C2CD5: variants seen among roughly 807,000 people sequenced by gnomAD.
C2CD5 encodes the protein C2 domain-containing protein 5.
Under a neutral mutation model 130.3 loss-of-function variants are expected in C2CD5, and 109 were observed. That is an observed-to-expected ratio of 0.84 (90% confidence interval 0.72 to 0.98). C2CD5 has a LOEUF of 0.98. C2CD5 is among the 50% of genes least tolerant of loss of function. The pLI is 0.00. For missense variants in C2CD5, 996 were observed against 1,261.8 expected (o/e 0.79, Z 3.19); for synonymous variants, 454 against 429.2 (o/e 1.06, Z -0.71).
intron 14 of C2CD5, among the ~76,000 whole-genome samples, chr12:22,480,909 A>G (rs536480374): frequency 6.6e-6 from 1 of 151,992 alleles, no homozygotes; most frequent in East Asian, 1.9e-4. Context: ...GGCTCAGCTG[A>G]TTCTCCCATC....
At chr12:22,491,203 A>G (rs1946302268) in intron 11 of C2CD5, among the ~76,000 whole-genome samples, 1 of 152,232 alleles carries the variant, frequency 6.6e-6, no homozygotes, top group Non-Finnish European at 1.5e-5. Flanking sequence ...GTCAGATGAC[A>G]TCTGTCAGAT....
At chr12:22,543,318 A>G (rs535591504) in intron 2 of C2CD5, among the ~76,000 whole-genome samples, 1 of 152,368 alleles carries the variant, frequency 6.6e-6, no homozygotes, top group Admixed American at 6.5e-5. Flanking sequence ...TAAACTAATC[A>G]TTAGACTTAA....
At chr12:22,539,049 A>C (rs1952089509) in intron 2 of C2CD5, among the ~76,000 whole-genome samples, 1 of 152,084 alleles carries the variant, frequency 6.6e-6, no homozygotes, top group Non-Finnish European at 1.5e-5. Context: ...AAGTACTAAA[A>C]CTACTTCTCA....
At chr12:22,476,567 G>A (rs1943878028) in intron 15 of C2CD5, among the ~76,000 whole-genome samples, 1 of 152,048 alleles carries the variant, frequency 6.6e-6, no homozygotes, top group Non-Finnish European at 1.5e-5. Flanking sequence ...AGTACTGAAT[G>A]GATGAAGTAA....
rs917729260 is a variant in C2CD5 at position 22,490,038 on chromosome 12, A to G, written c.1358+85T>C. 8.5e-6 allele frequency: 8 copies of G among 937,344 alleles called. No homozygotes were observed. The African/African-American group carries it at 1.1e-4, about 13-fold the overall frequency. The allele number at this position is 937,344 out of a possible 1,614,324, so 58.1% of individuals were successfully genotyped here. A position where few individuals can be genotyped will look rare whatever the true frequency, so the allele number is the denominator to read the frequency against. ...TGTACCCCTGTAAGCCACCCTACGG[A>G]GAAGAATTATCCCAACTCTCAGAAA... On this transcript the variant is annotated intron_variant, in intron 12 of 26. Coordinates refer to ENST00000446597, the MANE Select transcript of C2CD5 (RefSeq NM_001286176.2).
At position 22,525,592 on chromosome 12, in the gene C2CD5, T is replaced by C. The variant is rs762866992; in HGVS notation, c.445+18A>G. On this transcript the variant is annotated intron_variant, in intron 5 of 26. Transcript: ENST00000446597. ...AGTTATTACATTTCCTGTTGAGTAATAGAATGTATTTACTTACTGCAAAAG... is the reference window on the plus strand; with the variant it reads ...AGTTATTACATTTCCTGTTGAGTAACAGAATGTATTTACTTACTGCAAAAG... 39 of 1,092,962 alleles carry C rather than the reference T, an allele frequency of 3.6e-5. No individual in the cohort carries two copies. The Middle Eastern group carries it at 5.9e-4, about 17-fold the overall frequency. The allele number at this position is 1,092,962 out of a possible 1,614,324, so 67.7% of individuals were successfully genotyped here. A position where few individuals can be genotyped will look rare whatever the true frequency, so the allele number is the denominator to read the frequency against.
At chr12:22,454,710 T>C (rs900316388) in intron 25 of C2CD5, among the ~76,000 whole-genome samples, 9 of 152,170 alleles carry the variant, frequency 5.9e-5, no homozygotes, top group Non-Finnish European at 1.2e-4. Flanking sequence ...TCAATTTCTT[T>C]ATATTACTTA....
At chr12:22,512,412 T>C (rs1443340090) in intron 9 of C2CD5, among the ~76,000 whole-genome samples, 1 of 152,078 alleles carries the variant, frequency 6.6e-6, no homozygotes, top group African/African-American at 2.4e-5. Flanking sequence ...TAATGAAAGC[T>C]ATAGAACTAT....
At chr12:22,463,391 C>CAA (rs888010404) in intron 22 of C2CD5, 7 of 133,206 alleles carry the variant, frequency 5.3e-5, no homozygotes, top group East Asian at 2.1e-4. Context: ...ACTCTTGTCT[C>CAA]AAAAAAAAAA....
chr12:22,449,968 T>C, intron 26 of C2CD5, 77 bp from the exon 27 acceptor site: 1 of 1,168,984 alleles, frequency 8.6e-7, no homozygotes, highest in Non-Finnish European at 1.2e-6. Context: ...GGGGCAGTGC[T>C]GTACAGCCAA....
intron 12 of C2CD5, among the ~76,000 whole-genome samples, chr12:22,488,472 T>C (rs573855298): frequency 3.9e-5 from 6 of 152,102 alleles, no homozygotes; most frequent in South Asian, 2.1e-4. Flanking sequence ...ACCTATTGTA[T>C]TGAACTACTA....
chr12:22,507,059 G>GAA, intron 9 of C2CD5: 2 of 299,456 alleles, frequency 6.7e-6, no homozygotes, highest in East Asian at 5.7e-5. Flanking sequence ...TCTCAATGAA[G>GAA]AAAAAAAAAG....
chr12:22,538,487 AC>A (rs535180002), intron 2 of C2CD5, among the ~76,000 whole-genome samples: 8 of 152,326 alleles, frequency 5.3e-5, no homozygotes, highest in Non-Finnish European at 8.8e-5. Context: ...GAGTAGTCTT[AC>A]CCAGAGGAGT....
At chr12:22,493,595 T>C (rs1370779679) in intron 10 of C2CD5, among the ~76,000 whole-genome samples, 2 of 152,108 alleles carry the variant, frequency 1.3e-5, no homozygotes, top group South Asian at 2.1e-4. Flanking sequence ...TGATTAGATA[T>C]AATTTTAAAT....
At chr12:22,502,602 T>C in intron 10 of C2CD5, 1 of 458,342 alleles carries the variant, frequency 2.2e-6, no homozygotes, top group Non-Finnish European at 3.8e-6. Flanking sequence ...ACAAGAGTTA[T>C]TACATACGTA....
intron 9 of C2CD5, among the ~76,000 whole-genome samples, chr12:22,508,004 G>A (rs906132473): frequency 6.6e-6 from 1 of 151,970 alleles, no homozygotes; most frequent in Non-Finnish European, 1.5e-5. Flanking sequence ...AATAAAAGCT[G>A]GTAAAGAGAT....
intron 10 of C2CD5, among the ~76,000 whole-genome samples, chr12:22,500,595 T>A (rs1004629493): frequency 6.6e-6 from 1 of 152,142 alleles, no homozygotes; most frequent in Admixed American, 6.5e-5. Flanking sequence ...CTGTCTATCC[T>A]CCAAGAATAT....
chr12:22,496,321 TTG>T (rs1001078645), intron 10 of C2CD5, among the ~76,000 whole-genome samples: 1 of 152,090 alleles, frequency 6.6e-6, no homozygotes, highest in African/African-American at 2.4e-5. Context: ...TAGGAATGTA[TTG>T]TGTTTTCCTA....
rs183665881 is a variant in C2CD5 at position 22,467,524 on chromosome 12, T to C, written c.2533+2185A>G. Among the ~76,000 whole-genome samples the C allele has an allele frequency of 4.2e-4, 64 of 152,316 alleles. 2 individuals are homozygous for C. The highest frequency in any genetic ancestry group is 1.5e-3 in the African/African-American group (63 of 41,568). ...ATTTACTTTTCAAAATGGGAATATG[T>C]TAATAATTGAAGAACCATAAACTAT... On this transcript the variant is annotated intron_variant, in intron 22 of 26. Transcript: ENST00000446597.
Sources: gnomAD v4.1 joint callset for allele counts (sites outside exome capture counted in the v4.1 genomes callset) on GRCh38, gnomAD v4.1.1 for gene constraint, MANE v1.5 for transcripts, NCBI Gene and HGNC (gene_info 2026-07-23, HGNC 2026-07-21) for gene names.